The following CNTLN variants were observed in gnomAD, a reference collection of about 807,000 sequenced individuals.
CNTLN encodes the protein centlein.
CNTLN carries 212 observed loss-of-function variants against 180.0 expected under a neutral mutation model. That is an observed-to-expected ratio of 1.18 (90% CI 1.05 to 1.32). The LOEUF (loss-of-function observed/expected upper bound fraction) is 1.32. Among genes scored for constraint, CNTLN ranks in the 40% most tolerant of loss-of-function variants. CNTLN has a pLI of 0.00. For synonymous variants in CNTLN, 722 were observed against 563.1 expected (o/e 1.28, Z -3.99); for missense variants, 2,095 against 1,610.9 (o/e 1.30, Z -5.14).
intron 13 of CNTLN, among the ~76,000 whole-genome samples, chr9:17,374,337 TA>T (rs1256200115): frequency 6.6e-6 from 1 of 152,152 alleles, no homozygotes; most frequent in Non-Finnish European, 1.5e-5. Flanking sequence ...AAAGAAGACA[TA>T]CCATTTGCAA....
At chr9:17,163,634 G>T (rs1212872604) in intron 2 of CNTLN, among the ~76,000 whole-genome samples, 1 of 152,182 alleles carries the variant, frequency 6.6e-6, no homozygotes, top group Non-Finnish European at 1.5e-5. Flanking sequence ...CTGAATAAAT[G>T]AATGAATAAC....
chr9:17,212,822 A>G (rs992674693), intron 2 of CNTLN, among the ~76,000 whole-genome samples: 1 of 151,866 alleles, frequency 6.6e-6, no homozygotes, highest in Non-Finnish European at 1.5e-5. Context: ...TTTCTTCTAG[A>G]TTTTCTAGTT....
chr9:17,512,868 G>T, the CNTLN span, among the ~76,000 whole-genome samples: 1 of 152,168 alleles, frequency 6.6e-6, no homozygotes, highest in Non-Finnish European at 1.5e-5. Flanking sequence ...CCAGGCTGGA[G>T]TGTGGTGGCG....
intron 2 of CNTLN, among the ~76,000 whole-genome samples, chr9:17,214,376 A>G (rs1160322621): frequency 6.6e-6 from 1 of 152,224 alleles, no homozygotes; most frequent in African/African-American, 2.4e-5. Flanking sequence ...AATGTTGAAT[A>G]TAGGCACCCA....
chr9:17,259,991 T>G (rs1826830920), intron 5 of CNTLN, among the ~76,000 whole-genome samples: 1 of 140,010 alleles, frequency 7.1e-6, no homozygotes, highest in Non-Finnish European at 1.5e-5. Flanking sequence ...TCAGCTCTGA[T>G]GTTAGTTATT....
chr9:17,469,429 G>C (rs1365396277), intron 23 of CNTLN, among the ~76,000 whole-genome samples: 1 of 151,626 alleles, frequency 6.6e-6, no homozygotes, highest in Non-Finnish European at 1.5e-5. Context: ...ACCATATATT[G>C]ATGGCAGAGA....
At chr9:17,378,210 T>G (rs1163840969) in intron 13 of CNTLN, among the ~76,000 whole-genome samples, 2 of 152,200 alleles carry the variant, frequency 1.3e-5, no homozygotes, top group African/African-American at 4.8e-5. Flanking sequence ...AGACGGAGTC[T>G]TCCTCTGTCA....
At chr9:17,325,083 A>T in intron 8 of CNTLN, among the ~76,000 whole-genome samples, 1 of 151,352 alleles carries the variant, frequency 6.6e-6, no homozygotes. Context: ...CTAAAAATGA[A>T]GTATAAATTT....
At chr9:17,371,687 A>G (rs1035262739) in intron 13 of CNTLN, among the ~76,000 whole-genome samples, 1 of 152,150 alleles carries the variant, frequency 6.6e-6, no homozygotes, top group Non-Finnish European at 1.5e-5. Context: ...CACATCGATC[A>G]TTCTCGAGGA....
chr9:17,257,341 G>A (rs1419097374), intron 5 of CNTLN, among the ~76,000 whole-genome samples: 1 of 152,124 alleles, frequency 6.6e-6, no homozygotes, highest in Non-Finnish European at 1.5e-5. Flanking sequence ...ATTCCATGGT[G>A]TATATGTGCC....
At chr9:17,270,467 C>A (rs976197760) in intron 5 of CNTLN, among the ~76,000 whole-genome samples, 2 of 152,078 alleles carry the variant, frequency 1.3e-5, no homozygotes, top group African/African-American at 4.8e-5. Context: ...CAAATCATCT[C>A]AATAAATTAC....
At chr9:17,355,805 C>T (rs1026125707) in intron 12 of CNTLN, among the ~76,000 whole-genome samples, 22 of 152,156 alleles carry the variant, frequency 1.4e-4, no homozygotes, top group African/African-American at 5.1e-4. Context: ...TGGCTCACGC[C>T]TGTAATCCCA....
chr9:17,404,871 G>A (rs1195281643), intron 15 of CNTLN, among the ~76,000 whole-genome samples: 2 of 151,282 alleles, frequency 1.3e-5, no homozygotes, highest in African/African-American at 4.9e-5. Flanking sequence ...CTGAGTAGCT[G>A]GGACTACAGG....
intron 18 of CNTLN, among the ~76,000 whole-genome samples, chr9:17,424,286 C>G (rs142108887): frequency 6.6e-6 from 1 of 152,072 alleles, no homozygotes; most frequent in Non-Finnish European, 1.5e-5. Flanking sequence ...ACTTACTCTT[C>G]CAGTTTGAAT....
At chr9:17,157,647 T>C (rs1819390982) in intron 2 of CNTLN, among the ~76,000 whole-genome samples, 1 of 152,114 alleles carries the variant, frequency 6.6e-6, no homozygotes, top group Non-Finnish European at 1.5e-5. Context: ...GTGGCCATCA[T>C]CCGGTCATTT....
At position 17,466,108 on chromosome 9, in the gene CNTLN, T is replaced by C; in HGVS notation, c.3659T>C (p.Leu1220Ser). The C allele has an allele frequency of 6.3e-7, 1 of 1,599,364 alleles. No homozygotes were observed. The highest frequency in any genetic ancestry group is 1.1e-5 in the South Asian group (1 of 88,968). ...ATGTATCAGAAATCTAAAGAGGAGT[T>C]AGAAAAAAAGGTATGCTTTTAAAAA... ...EQMYQKSKEELEKKDLKLTLL... is the reference protein window; with the variant it reads ...EQMYQKSKEESEKKDLKLTLL... Residue 1220 changes from leucine to serine, a missense_variant, in exon 22 of 26, where the codon TTA (leucine) becomes TCA (serine). Leu to Ser is a moderately radical substitution (Grantham distance 145, BLOSUM62 -2). Transcript: ENST00000380647.
chr9:17,439,514 A>G (rs1829984223), intron 18 of CNTLN, among the ~76,000 whole-genome samples: 2 of 152,246 alleles, frequency 1.3e-5, no homozygotes, highest in Admixed American at 6.5e-5. Context: ...TCACAATGAA[A>G]TAACACAGAT....
intron 2 of CNTLN, among the ~76,000 whole-genome samples, chr9:17,146,863 T>A (rs1267913863): frequency 1.3e-5 from 2 of 152,154 alleles, no homozygotes; most frequent in African/African-American, 4.8e-5. Context: ...TTAATCTTTC[T>A]GATTATAATT....
intron 2 of CNTLN, among the ~76,000 whole-genome samples, chr9:17,182,165 A>ATT (rs34443963): frequency 7.5e-5 from 11 of 146,064 alleles, no homozygotes; most frequent in Admixed American, 4.1e-4. Context: ...GTAGGGCCAC[A>ATT]TTTTTTTTTT....
Sources: gnomAD v4.1 joint callset for allele counts (sites outside exome capture counted in the v4.1 genomes callset) on GRCh38, gnomAD v4.1.1 for gene constraint, MANE v1.5 for transcripts, NCBI Gene and HGNC (gene_info 2026-07-23, HGNC 2026-07-21) for gene names.